Variants in CFAP299 observed in about 807,000 individuals in gnomAD.
CFAP299 encodes the protein cilia and flagella associated protein 299, also known as cilia- and flagella-associated protein 299.
In CFAP299, 21 loss-of-function variants were observed where a neutral mutation model predicts 27.0. The ratio of observed to expected loss-of-function variants is 0.78; its 90% CI spans 0.55 to 1.12. The LOEUF (loss-of-function observed/expected upper bound fraction) is 1.12, where lower values mean the gene tolerates loss of function less well. CFAP299 is among the 50% of genes most tolerant of loss of function. The probability of loss-of-function intolerance (pLI) is 0.00; values close to 1 mark genes in which losing one functional copy is unlikely to be tolerated. For synonymous variants in CFAP299, 104 were observed against 98.1 expected, an observed-to-expected ratio of 1.06 and a Z score of -0.36; for missense variants, 310 against 276.6, an observed-to-expected ratio of 1.12 and a Z score of -0.86.
intron 2 of CFAP299, among the ~76,000 whole-genome samples, chr4:80,426,744 G>A (rs1008398130): frequency 1.3e-5 from 2 of 152,222 alleles, no homozygotes; most frequent in Admixed American, 6.5e-5. Flanking sequence ...GAATGCCTGA[G>A]TTAGATTCTT....
chr4:80,884,383 G>A (rs975153446), intron 4 of CFAP299, among the ~76,000 whole-genome samples: 1 of 151,894 alleles, frequency 6.6e-6, no homozygotes, highest in African/African-American at 2.4e-5. Flanking sequence ...ACAAATAAGT[G>A]GAATATTAAC....
intron 4 of CFAP299, among the ~76,000 whole-genome samples, chr4:80,886,054 G>A (rs1374408768): frequency 6.6e-6 from 1 of 152,204 alleles, no homozygotes; most frequent in East Asian, 1.9e-4. Context: ...GTGAACATCA[G>A]TGGTGGCCTG....
intron 2 of CFAP299, among the ~76,000 whole-genome samples, chr4:80,572,507 G>GGTTTTTTTTTT (rs1735632154): frequency 2.7e-5 from 1 of 36,380 alleles, no homozygotes; most frequent in Non-Finnish European, 5.2e-5. Flanking sequence ...CTGGATCCCA[G>GGTTTTTTTTTT]TTTTTTTTTT....
At chr4:80,370,935 A>C (rs1470791082) in intron 2 of CFAP299, among the ~76,000 whole-genome samples, 1 of 152,122 alleles carries the variant, frequency 6.6e-6, no homozygotes, top group African/African-American at 2.4e-5. Flanking sequence ...CTCTAACTCC[A>C]CATTTCCCTT....
chr4:80,848,877 T>C (rs1174909246), intron 3 of CFAP299, among the ~76,000 whole-genome samples: 1 of 152,196 alleles, frequency 6.6e-6, no homozygotes, highest in Non-Finnish European at 1.5e-5. Context: ...CACTGGAAGT[T>C]GTTCTGGGTG....
chr4:80,452,618 G>A (rs939374381), intron 2 of CFAP299, among the ~76,000 whole-genome samples: 6 of 152,134 alleles, frequency 3.9e-5, no homozygotes, highest in Admixed American at 3.3e-4. Context: ...TGTTAATAGA[G>A]TTAACATTAA....
chr4:80,793,477 C>A (rs943932284), intron 3 of CFAP299, among the ~76,000 whole-genome samples: 2 of 151,210 alleles, frequency 1.3e-5, no homozygotes, highest in African/African-American at 4.9e-5. Flanking sequence ...TAATTTGTAT[C>A]CTTCAATCCA....
intron 3 of CFAP299, among the ~76,000 whole-genome samples, chr4:80,854,352 A>C (rs548401430): frequency 6.6e-6 from 1 of 151,006 alleles, no homozygotes; most frequent in Non-Finnish European, 1.5e-5. Flanking sequence ...GGATTCTGCT[A>C]TAAGGAGAAG....
At chr4:80,364,290 A>G (rs750945017) in intron 2 of CFAP299, among the ~76,000 whole-genome samples, 1 of 152,132 alleles carries the variant, frequency 6.6e-6, no homozygotes, top group Non-Finnish European at 1.5e-5. Context: ...CCTTATGATT[A>G]TACGGCTGAG....
intron 2 of CFAP299, among the ~76,000 whole-genome samples, chr4:80,406,818 G>T (rs781516044): frequency 1.2e-4 from 18 of 152,026 alleles, no homozygotes; most frequent in Non-Finnish European, 2.5e-4. Context: ...CATCTCATTT[G>T]GCTCCCACAA....
At chr4:80,331,511 C>T (rs1721939109), upstream of CFAP299, among the ~76,000 whole-genome samples, 1 of 152,056 alleles carries the variant, frequency 6.6e-6, no homozygotes, top group African/African-American at 2.4e-5. Flanking sequence ...GGCAAGGAAC[C>T]CATGTCAATT....
At chr4:80,867,548 G>A (rs75217704) in intron 3 of CFAP299, among the ~76,000 whole-genome samples, 1,991 of 152,284 alleles carry the variant, frequency 0.013, 19 homozygotes, top group Non-Finnish European at 0.02. Flanking sequence ...CACAGTTCTG[G>A]AAGTTGGAAG....
chr4:80,799,198 ATAT>A (rs1266143242), intron 3 of CFAP299, among the ~76,000 whole-genome samples: 1 of 118,922 alleles, frequency 8.4e-6, no homozygotes, highest in Admixed American at 1.1e-4. Flanking sequence ...TATTTATATA[ATAT>A]TTATATATAT....
chr4:80,480,203 G>A (rs1578493490), intron 2 of CFAP299, among the ~76,000 whole-genome samples: 1 of 151,826 alleles, frequency 6.6e-6, no homozygotes, highest in Admixed American at 6.6e-5. Flanking sequence ...CAAATGTTAG[G>A]TGGAAAATGT....
intron 3 of CFAP299, among the ~76,000 whole-genome samples, chr4:80,586,244 C>G (rs918289861): frequency 2.6e-5 from 4 of 151,750 alleles, no homozygotes; most frequent in African/African-American, 9.7e-5. Context: ...TACATGACAA[C>G]TATTTAATAT....
intron 4 of CFAP299, among the ~76,000 whole-genome samples, chr4:80,901,444 T>A (rs1446108158): frequency 6.6e-6 from 1 of 152,130 alleles, no homozygotes; most frequent in Non-Finnish European, 1.5e-5. Flanking sequence ...CTTCTGTGGG[T>A]AAAACTGAGC....
At chr4:80,368,106 G>A (rs1723936317) in intron 2 of CFAP299, among the ~76,000 whole-genome samples, 2 of 152,196 alleles carry the variant, frequency 1.3e-5, no homozygotes, top group African/African-American at 2.4e-5. Flanking sequence ...TTTTGCTAGA[G>A]CATGGTATCT....
At chr4:80,956,846 G>T (rs1457535848) in intron 5 of CFAP299, among the ~76,000 whole-genome samples, 2 of 151,906 alleles carry the variant, frequency 1.3e-5, no homozygotes, top group African/African-American at 2.4e-5. Context: ...TGTGTAGAGG[G>T]TAGAAAACTT....
intron 3 of CFAP299, among the ~76,000 whole-genome samples, chr4:80,775,041 A>G (rs1219961101): frequency 1.3e-5 from 2 of 151,672 alleles, no homozygotes; most frequent in Non-Finnish European, 2.9e-5. Flanking sequence ...TGTACCCTAA[A>G]ACTTAAAGTA....
Sources: gnomAD v4.1 joint callset for allele counts (sites outside exome capture counted in the v4.1 genomes callset) on GRCh38, gnomAD v4.1.1 for gene constraint, MANE v1.5 for transcripts, NCBI Gene and HGNC (gene_info 2026-07-23, HGNC 2026-07-21) for gene names.